SYNE1: variants seen among roughly 807,000 people sequenced by gnomAD.
SYNE1 encodes the protein spectrin repeat containing nuclear envelope protein 1.
A neutral mutation model predicts 1,111.0 loss-of-function variants in SYNE1; 616 were observed. That is an observed-to-expected ratio of 0.55 (90% CI 0.52 to 0.59). The LOEUF is 0.59. Ranked by LOEUF, SYNE1 falls within the 20% of genes least tolerant of loss-of-function variation. The probability of loss-of-function intolerance (pLI) is 0.00; values close to 1 mark genes in which losing one functional copy is unlikely to be tolerated. For synonymous variants in SYNE1, 3,855 were observed against 3,825.8 expected (o/e 1.01, Z -0.28); for missense variants, 10,006 against 10,417.0 (o/e 0.96, Z 1.72).
At chr6:152,300,567 T>G (rs1719489391) in intron 93 of SYNE1, 74 bp downstream of exon 93, 1 of 1,603,232 alleles carries the variant, frequency 6.2e-7, no homozygotes, top group African/African-American at 1.3e-5. Context: ...ATACCCACGA[T>G]CTAATGGAAA....
intron 12 of SYNE1, among the ~76,000 whole-genome samples, chr6:152,487,164 A>C (rs1236801062): frequency 2.6e-5 from 4 of 152,212 alleles, no homozygotes; most frequent in Admixed American, 2.6e-4. Flanking sequence ...CTAGGTACTA[A>C]GCCCAGCATC....
At chr6:152,612,144 A>T (rs1390557318) in intron 3 of SYNE1, among the ~76,000 whole-genome samples, 1 of 151,704 alleles carries the variant, frequency 6.6e-6, no homozygotes, top group East Asian at 1.9e-4. Context: ...AATAACTAAG[A>T]TCAGAGCAGA....
intron 122 of SYNE1, 59 bp from the exon 123 acceptor site, chr6:152,213,818 G>C: frequency 6.2e-7 from 1 of 1,605,002 alleles, no homozygotes; most frequent in South Asian, 1.1e-5. Context: ...TACTTCTCTA[G>C]CATATAAAAC....
In SYNE1 at chr6:152,121,927, A is replaced by G. The variant is rs2051478659; in HGVS notation, c.*509T>C. The G allele has an allele frequency of 6.2e-6, 1 of 160,822 alleles. No individual in the cohort carries two copies. Among genetic ancestry groups the G allele is most frequent in the African/African-American group, 2.4e-5 (1 of 41,556 alleles). 10.0% of individuals were successfully genotyped at this position (160,822 alleles called of 1,614,324 possible). ...GGTTAAAACATCATGCCCCAAAGGA[A>G]AACAAGGTAAAAAGGAAGCTGCCAT... On this transcript the variant is annotated 3_prime_UTR_variant, in exon 146 of 146. Coordinates refer to ENST00000367255, the MANE Select transcript of SYNE1 (RefSeq NM_182961.4).
chr6:152,130,815 G>A (rs1353660679), intron 144 of SYNE1, 37 bp from the exon 145 acceptor site: 3 of 1,607,802 alleles, frequency 1.9e-6, no homozygotes, highest in Non-Finnish European at 2.6e-6. Context: ...AAAGAAGAAT[G>A]TTCAGTCCAG....
At chr6:152,255,149 T>C in intron 103 of SYNE1, 60 bp from the exon 104 acceptor site, 1 of 1,403,702 alleles carries the variant, frequency 7.1e-7, no homozygotes, top group Non-Finnish European at 9.8e-7. Context: ...ATGCAAATCA[T>C]GTTATTTTCT....
chr6:152,285,417 A>G (rs1177651027), intron 95 of SYNE1, among the ~76,000 whole-genome samples: 3 of 152,224 alleles, frequency 2.0e-5, no homozygotes, highest in Non-Finnish European at 4.4e-5. Context: ...CAATTACAGC[A>G]ACCTTTTGAA....
Position 152,200,171 on chromosome 6 carries a change from C to T in SYNE1, c.23145+1653G>A, listed in dbSNP as rs147687270. Among the ~76,000 whole-genome samples, 21 of 152,232 alleles carry T rather than the reference C, an allele frequency of 1.4e-4. No individual in the cohort carries two copies. In the East Asian group the frequency reaches 3.9e-3, roughly 28 times the overall value. On this transcript the variant is annotated intron_variant, in intron 127 of 145. Coordinates refer to ENST00000367255, the MANE Select transcript of SYNE1 (RefSeq NM_182961.4). ...GTTTCAGACGCACAGTATACCAACC[C>T]CTTAAACGAGTCAGTGTGGCAAAAA...
chr6:152,431,775 A>T (rs1399807686), intron 34 of SYNE1, among the ~76,000 whole-genome samples: 1 of 152,224 alleles, frequency 6.6e-6, no homozygotes, highest in Non-Finnish European at 1.5e-5. Flanking sequence ...AATAATTTAC[A>T]TAAATGTCGG....
intron 21 of SYNE1, among the ~76,000 whole-genome samples, chr6:152,460,494 A>G (rs543608957): frequency 4.0e-5 from 6 of 151,726 alleles, no homozygotes; most frequent in Admixed American, 1.3e-4. Flanking sequence ...CTTCCTTTCT[A>G]CCTTTCTTTC....
chr6:152,468,966 C>G (rs1004628156), intron 16 of SYNE1, among the ~76,000 whole-genome samples: 1 of 151,970 alleles, frequency 6.6e-6, no homozygotes, highest in Non-Finnish European at 1.5e-5. Context: ...TTTGTAGAGA[C>G]AGAGTCTCAC....
Position 152,122,517 on chromosome 6 carries a change from G to A in SYNE1, c.26313C>T (p.Asp8771=), listed in dbSNP as rs772954024. 6 of 1,614,224 alleles carry A rather than the reference G, an allele frequency of 3.7e-6. No individual in the cohort carries two copies. The highest frequency in any genetic ancestry group is 5.1e-6 in the Non-Finnish European group (6 of 1,180,034). ...LACLVPMSEE[D]YSCALSNNFA... is the part of the protein sequence containing the mutation. ...AGTTGTTGGAGAGGGCACAGCTGTA[G>A]TCTTCCTCTGACATTGGTACAAGGC... The change falls in exon 146 of 146, where the codon GAC becomes GAT. Residue 8771 remains aspartate, a synonymous_variant. Coordinates refer to ENST00000367255, the MANE Select transcript of SYNE1 (RefSeq NM_182961.4).
intron 14 of SYNE1, chr6:152,481,454 G>T: frequency 3.1e-6 from 1 of 318,164 alleles, no homozygotes; most frequent in South Asian, 2.7e-5. Flanking sequence ...AATTAAAATA[G>T]TTTCATATGT....
rs182862303 is a variant in SYNE1 at position 152,177,250 on chromosome 6, G to C, written c.23461-690C>G. On this transcript the variant is annotated intron_variant, in intron 129 of 145. Transcript: ENST00000367255. ...TAGATTGTTTGAGTTAAAGAGGACA[G>C]ACTCCATATGGACTATTTGCAAGAG... 9.9e-5 allele frequency among the ~76,000 whole-genome samples: 15 copies of C among 152,202 alleles called. 1 individual carries two copies. Among genetic ancestry groups the C allele is most frequent in the African/African-American group, 3.4e-4 (14 of 41,528 alleles).
intron 123 of SYNE1, among the ~76,000 whole-genome samples, chr6:152,213,004 C>T (rs1039257039): frequency 2.0e-5 from 3 of 152,084 alleles, no homozygotes; most frequent in Admixed American, 1.3e-4. Context: ...TTCATAAATA[C>T]ACAAACTGAC....
At chr6:152,626,948 A>G (rs13192376) in intron 3 of SYNE1, among the ~76,000 whole-genome samples, 6,731 of 152,318 alleles carry the variant, frequency 0.044, 199 homozygotes, top group Middle Eastern at 0.075. Context: ...AATGCATTAT[A>G]AGCAAAGAAA....
intron 32 of SYNE1, 112 bp from the exon 33 acceptor site, chr6:152,436,213 C>A: frequency 8.9e-7 from 1 of 1,118,370 alleles, no homozygotes; most frequent in South Asian, 1.5e-5. Flanking sequence ...GACATAGAGT[C>A]ATACATGTAT....
chr6:152,312,959 T>C (rs1375437410), intron 87 of SYNE1, among the ~76,000 whole-genome samples: 2 of 151,996 alleles, frequency 1.3e-5, no homozygotes, highest in East Asian at 3.9e-4. Flanking sequence ...TGAAAGCAAG[T>C]TTATTAAGAA....
At chr6:152,353,791 G>T in intron 67 of SYNE1, 47 bp from the exon 68 acceptor site, 1 of 1,608,608 alleles carries the variant, frequency 6.2e-7, no homozygotes, top group South Asian at 1.1e-5. Context: ...TTAGCCATTC[G>T]AATAAGCCAA....
Sources: allele counts gnomAD v4.1 joint callset (sites outside exome capture counted in the v4.1 genomes callset), GRCh38; gene constraint gnomAD v4.1.1; transcripts MANE v1.5; gene names NCBI Gene and HGNC (gene_info 2026-07-23, HGNC 2026-07-21).